The following MX2 variants were observed in gnomAD, a reference collection of about 807,000 sequenced individuals.
MX2 encodes the protein interferon-induced GTP-binding protein Mx2.
In MX2, 51 loss-of-function variants were observed where a neutral mutation model predicts 74.0. That is an observed-to-expected ratio of 0.69 (90% CI 0.55 to 0.87). MX2 has a LOEUF of 0.87. Among genes scored for constraint, MX2 ranks in the 40% least tolerant of loss-of-function variants. MX2 has a pLI of 0.00. For synonymous variants in MX2, 369 were observed against 339.3 expected (o/e 1.09, Z -0.96); for missense variants, 832 against 908.7 (o/e 0.92, Z 1.09).
chr21:41,394,278 T>TC (rs141875973), intron 6 of MX2, among the ~76,000 whole-genome samples: 51,178 of 152,044 alleles, frequency 0.34, 15,392 homozygotes, highest in African/African-American at 0.8. Context: ...TGATCTCAGT[T>TC]CCACCGCTCT....
chr21:41,392,471 TACAG>T (rs1347647059), intron 6 of MX2, among the ~76,000 whole-genome samples: 1 of 152,122 alleles, frequency 6.6e-6, no homozygotes, highest in Non-Finnish European at 1.5e-5. Context: ...GTCGGACTCA[TACAG>T]ACAAAGTAGA....
chr21:41,385,042 AGT>A (rs754469452), intron 5 of MX2, among the ~76,000 whole-genome samples: 24 of 151,854 alleles, frequency 1.6e-4, no homozygotes, highest in Middle Eastern at 3.4e-3. Context: ...GCCTTCTGTG[AGT>A]GTGAGTGTGA....
At chr21:41,395,210 T>C (rs775875916) in intron 6 of MX2, among the ~76,000 whole-genome samples, 1 of 151,068 alleles carries the variant, frequency 6.6e-6, no homozygotes, top group Non-Finnish European at 1.5e-5. Flanking sequence ...GGGAGCGGAG[T>C]GAGTCTGTTC....
chr21:41,386,229 A>C (rs1451946012), intron 5 of MX2, among the ~76,000 whole-genome samples: 4 of 149,118 alleles, frequency 2.7e-5, no homozygotes, highest in Admixed American at 6.6e-5. Context: ...CAAAAAAAAA[A>C]AAAAAAAAAA....
At position 41,380,095 on chromosome 21, in the gene MX2, G is replaced by A. The variant is rs1383249450; in HGVS notation, c.521G>A (p.Arg174Gln). 24 of 1,613,888 alleles carry A rather than the reference G, an allele frequency of 1.5e-5. No homozygotes were observed. The highest frequency in any genetic ancestry group is 1.7e-5 in the Admixed American group (1 of 59,982). ...GCATGGGCCGGAAGGATCAGCTACC[G>A]GAACACCGAGCTAGAGCTTCAGGAC... ...CEAWAGRISY[R>Q]NTELELQDPG... Residue 174 changes from arginine (R) to glutamine (Q), a missense_variant, in exon 4 of 14, where the codon CGG becomes CAG. By Grantham distance (43) the Arg-to-Gln change is conservative. Coordinates refer to ENST00000330714, the MANE Select transcript of MX2 (RefSeq NM_002463.2). The surrounding 1 kb of genome is among the most constrained non-coding windows in gnomAD (Gnocchi z 4.3).
intron 5 of MX2, 98 bp from the exon 6 acceptor site, chr21:41,390,467 T>C (rs1409360128): frequency 1.4e-5 from 22 of 1,524,796 alleles, no homozygotes; most frequent in South Asian, 4.7e-5. Context: ...TGTGGGACAA[T>C]GTTGCCTTTG....
At chr21:41,405,686 T>G (rs537001263) in intron 12 of MX2, among the ~76,000 whole-genome samples, 44 of 150,042 alleles carry the variant, frequency 2.9e-4, no homozygotes, top group African/African-American at 9.8e-4. Context: ...CTCTGCTACA[T>G]CACCTCTTTC....
chr21:41,397,783 G>A, intron 8 of MX2, 92 bp downstream of exon 8: 1 of 1,073,760 alleles, frequency 9.3e-7, no homozygotes, highest in East Asian at 2.4e-5. Flanking sequence ...CCACTGATCT[G>A]TCCAAACAAG....
chr21:41,371,990 G>A (rs747250420), intron 1 of MX2, among the ~76,000 whole-genome samples: 3 of 152,172 alleles, frequency 2.0e-5, no homozygotes, highest in African/African-American at 4.8e-5. Flanking sequence ...TGTATTTTGC[G>A]AACACCGAGG....
chr21:41,382,644 C>T, intron 5 of MX2, 80 bp downstream of exon 5: 2 of 1,565,378 alleles, frequency 1.3e-6, no homozygotes, highest in Non-Finnish European at 1.7e-6. Context: ...TGGTGTACCT[C>T]CTGGAGCCTT....
chr21:41,365,057 T>G (rs964905209), intron 1 of MX2: 1 of 152,214 alleles, frequency 6.6e-6, no homozygotes, highest in African/African-American at 2.4e-5. Flanking sequence ...ACCCCTCAAA[T>G]GTATATGTTC....
In MX2 at chr21:41,368,348, C is replaced by T. The variant is rs370098526; in HGVS notation, c.-72+6293C>T. Among the ~76,000 whole-genome samples the T allele has an allele frequency of 6.5e-4, 99 of 152,304 alleles. No individual in the cohort carries two copies. The highest frequency in any genetic ancestry group is 1.9e-3 in the African/African-American group (78 of 41,556). ...ACTGTAGCCATTTCTGAAGATTGTG[C>T]AGGGGAGACAGATGGTTCACCAGGC... is the stretch of plus-strand genomic sequence containing the variant. On this transcript the variant is annotated intron_variant, in intron 1 of 13. Coordinates refer to ENST00000330714, the MANE Select transcript of MX2 (RefSeq NM_002463.2). The surrounding 1 kb of genome is among the most constrained non-coding windows in gnomAD (Gnocchi z 4.6).
At chr21:41,393,889 G>A (rs902396274) in intron 6 of MX2, among the ~76,000 whole-genome samples, 3 of 152,034 alleles carry the variant, frequency 2.0e-5, no homozygotes, top group African/African-American at 4.8e-5. Context: ...GAACCCATCC[G>A]CCCACCCAGT....
At position 41,363,402 on chromosome 21, in the gene MX2, G is replaced by A. The variant is rs946262812; in HGVS notation, c.-72+1347G>A. On this transcript the variant is annotated intron_variant, in intron 1 of 13. Coordinates refer to ENST00000330714, the MANE Select transcript of MX2 (RefSeq NM_002463.2). The surrounding 1 kb of genome is among the most constrained non-coding windows in gnomAD (Gnocchi z 4.2). Reference sequence around the variant, plus strand: ...ATTGGGATTACAGGTGTGAGTCCCTGCGTCTGGCCAGGATGTATGTGAGCT... The same window carrying A: ...ATTGGGATTACAGGTGTGAGTCCCTACGTCTGGCCAGGATGTATGTGAGCT... The A allele has an allele frequency of 2.0e-5, 3 of 152,192 alleles. No homozygotes were observed. The highest frequency in any genetic ancestry group is 7.2e-5 in the African/African-American group (3 of 41,426). 9.4% of individuals were successfully genotyped at this position (152,192 alleles called of 1,614,324 possible). A position where few individuals can be genotyped will look rare whatever the true frequency, so the allele number is the denominator to read the frequency against.
Position 41,367,729 on chromosome 21 carries a change from C to T in MX2, c.-72+5674C>T, listed in dbSNP as rs140822045. ...CAGCCCCCTGGTTTAACAGCAGCCT[C>T]GAAGTTGACAGCAACTCCAAATCCT... On this transcript the variant is annotated intron_variant, in intron 1 of 13. Transcript: ENST00000330714. 7.3e-3 allele frequency among the ~76,000 whole-genome samples: 1,109 copies of T among 152,260 alleles called. 12 individuals carry two copies. Among genetic ancestry groups the T allele is most frequent in the Non-Finnish European group, 0.011 (775 of 68,020 alleles).
Position 41,377,890 on chromosome 21 carries a change from C to T in MX2, c.351C>T (p.Ala117=). The stretch of plus-strand genomic sequence containing the variant: ...CTCTGGGTGTGGAGCAGGACCTGGC[C>T]CTGCCAGCCATCGCCGTCATCGGGG... ...LRALGVEQDL[A]LPAIAVIGDQ... is the part of the protein sequence containing the mutation. The change falls in exon 3 of 14, where the codon GCC becomes GCT. Residue 117 remains alanine, a synonymous_variant. Transcript: ENST00000330714. The T allele has an allele frequency of 6.2e-7, 1 of 1,614,190 alleles. No homozygotes were observed. Among genetic ancestry groups the T allele is most frequent in the East Asian group, 2.2e-5 (1 of 44,876 alleles).
At chr21:41,386,239 A>C (rs907685119) in intron 5 of MX2, among the ~76,000 whole-genome samples, 61 of 151,000 alleles carry the variant, frequency 4.0e-4, no homozygotes, top group East Asian at 2.7e-3. Flanking sequence ...AAAAAAAAAA[A>C]AAAAAAAAAA....
chr21:41,391,789 CT>C (rs80000028), intron 6 of MX2, among the ~76,000 whole-genome samples: 3,260 of 141,326 alleles, frequency 0.023, 70 homozygotes, highest in African/African-American at 0.063. Flanking sequence ...TTTTCTTTTT[CT>C]TTTTTTTTTT....
At position 41,377,763 on chromosome 21, in the gene MX2, A is replaced by T. The variant is rs200368437; in HGVS notation, c.250-26A>T. 2.5e-6 allele frequency: 4 copies of T among 1,589,968 alleles called. No homozygotes were observed. The African/African-American group carries it at 4.0e-5, about 16-fold the overall frequency. On this transcript the variant is annotated intron_variant, in intron 2 of 13. Coordinates refer to ENST00000330714, the MANE Select transcript of MX2 (RefSeq NM_002463.2). Reference sequence around the variant, plus strand: ...CAGGGACCCTATCAGGGGTCAAGGCAGTGGCATCTGTTCTGCCTTCTCCAG... The same window carrying T: ...CAGGGACCCTATCAGGGGTCAAGGCTGTGGCATCTGTTCTGCCTTCTCCAG...
Sources: allele counts gnomAD v4.1 joint callset (sites outside exome capture counted in the v4.1 genomes callset), GRCh38; gene constraint gnomAD v4.1.1; non-coding constraint Gnocchi (gnomAD v3.1); transcripts MANE v1.5; gene names NCBI Gene and HGNC (gene_info 2026-07-23, HGNC 2026-07-21).